The following RAPGEF6 variants were observed in gnomAD, a reference collection of about 807,000 sequenced individuals.
RAPGEF6 encodes the protein Rap guanine nucleotide exchange factor 6, also known as PDZ domain containing guanine nucleotide exchange factor (GEF) 2.
In RAPGEF6, 56 loss-of-function variants were observed where a neutral mutation model predicts 171.4. The ratio of observed to expected loss-of-function variants is 0.33; its 90% CI spans 0.26 to 0.41. The LOEUF is 0.41. Ranked by LOEUF, RAPGEF6 falls within the 10% of genes least tolerant of loss-of-function variation. The pLI, the probability that RAPGEF6 is intolerant of heterozygous loss-of-function variation, is 1.00. For synonymous variants in RAPGEF6, 692 were observed against 650.1 expected (o/e 1.06, Z -0.98); for missense variants, 1,674 against 1,921.4 (o/e 0.87, Z 2.41).
chr5:131,469,067 T>C (rs921465617), intron 17 of RAPGEF6, among the ~76,000 whole-genome samples: 46 of 152,224 alleles, frequency 3.0e-4, no homozygotes, highest in African/African-American at 1.1e-3. Context: ...TAATGGGGAC[T>C]GCTTAAAAAA....
intron 1 of RAPGEF6, among the ~76,000 whole-genome samples, chr5:131,625,619 T>G (rs943147859): frequency 6.6e-6 from 1 of 151,934 alleles, no homozygotes; most frequent in Non-Finnish European, 1.5e-5. Flanking sequence ...ATCGAGACCA[T>G]CCTGGCTAAC....
At chr5:131,456,748 C>T (rs893023412) in intron 19 of RAPGEF6, among the ~76,000 whole-genome samples, 1 of 152,166 alleles carries the variant, frequency 6.6e-6, no homozygotes, top group African/African-American at 2.4e-5. Context: ...TTTACCAACA[C>T]CACTGTAAAA....
intron 1 of RAPGEF6, among the ~76,000 whole-genome samples, chr5:131,617,372 T>C (rs1266592669): frequency 6.6e-6 from 1 of 152,246 alleles, no homozygotes; most frequent in African/African-American, 2.4e-5. Flanking sequence ...TCAGCTCTGT[T>C]AGTTACTACT....
intron 1 of RAPGEF6, among the ~76,000 whole-genome samples, chr5:131,616,238 A>G (rs1765255593): frequency 6.6e-6 from 1 of 152,234 alleles, no homozygotes; most frequent in Non-Finnish European, 1.5e-5. Context: ...CTGCCATTGT[A>G]TAACAAGACA....
At chr5:131,626,504 T>A (rs1765943458) in intron 1 of RAPGEF6, among the ~76,000 whole-genome samples, 1 of 151,916 alleles carries the variant, frequency 6.6e-6, no homozygotes, top group Non-Finnish European at 1.5e-5. Context: ...CTGCTTGGAA[T>A]GACCTCTCTT....
chr5:131,590,141 CTG>C (rs1345247061), intron 4 of RAPGEF6, among the ~76,000 whole-genome samples: 1 of 152,152 alleles, frequency 6.6e-6, no homozygotes, highest in African/African-American at 2.4e-5. Context: ...TGGCTCATGT[CTG>C]TAATCACAGC....
chr5:131,487,491 A>G (rs1755992867), intron 15 of RAPGEF6, among the ~76,000 whole-genome samples: 2 of 152,050 alleles, frequency 1.3e-5, no homozygotes. Context: ...TGCATTTACA[A>G]TCCTTTAGCT....
intron 2 of RAPGEF6, 134 bp downstream of exon 2, chr5:131,604,489 C>A: frequency 1.1e-6 from 1 of 940,520 alleles, no homozygotes; most frequent in Non-Finnish European, 1.5e-6. Flanking sequence ...TCCAGGAAAC[C>A]AGGGATCTAA....
At chr5:131,541,749 T>C (rs1184410111) in intron 6 of RAPGEF6, among the ~76,000 whole-genome samples, 1 of 152,246 alleles carries the variant, frequency 6.6e-6, no homozygotes, top group Non-Finnish European at 1.5e-5. Context: ...CATGTGTTAC[T>C]GGCAAAATAT....
chr5:131,486,978 C>A (rs1005498849), intron 15 of RAPGEF6, among the ~76,000 whole-genome samples: 1 of 152,074 alleles, frequency 6.6e-6, no homozygotes, highest in African/African-American at 2.4e-5. Flanking sequence ...GATCCCTGAT[C>A]GTCAGTTTTA....
chr5:131,607,967 T>TGAA lies in RAPGEF6; in HGVS notation c.70-3277_70-3275dup, dbSNP rs150352991. 3.5e-3 allele frequency among the ~76,000 whole-genome samples: 537 copies of TGAA among 152,246 alleles called. 4 individuals carry two copies. Among genetic ancestry groups the TGAA allele is most frequent in the African/African-American group, 0.012 (519 of 41,540 alleles). On this transcript the variant is annotated intron_variant, in intron 1 of 27. Transcript: ENST00000509018. ...ATAGGACATCCGGAAATATCTAAAGTGAAGTAAAGATCCACCTGAAAAAAT... is the reference window on the plus strand; with the variant it reads ...ATAGGACATCCGGAAATATCTAAAGTGAAGAAGTAAAGATCCACCTGAAAAAAT...
chr5:131,589,546 A>C (rs759187722), intron 4 of RAPGEF6, among the ~76,000 whole-genome samples: 3 of 152,224 alleles, frequency 2.0e-5, no homozygotes, highest in Non-Finnish European at 4.4e-5. Context: ...AGCATTCATA[A>C]GGAAGCTGAG....
chr5:131,452,804 C>A (rs1265207003), intron 21 of RAPGEF6, among the ~76,000 whole-genome samples: 1 of 152,118 alleles, frequency 6.6e-6, no homozygotes, highest in Non-Finnish European at 1.5e-5. Flanking sequence ...GAACTATCCA[C>A]ATACAAATAT....
chr5:131,454,559 T>C (rs1273848780), intron 20 of RAPGEF6, among the ~76,000 whole-genome samples: 1 of 151,394 alleles, frequency 6.6e-6, no homozygotes, highest in African/African-American at 2.4e-5. Context: ...GAAAAGAACA[T>C]TAAACTAAAA....
chr5:131,496,156 T>C (rs1203172765), intron 12 of RAPGEF6, among the ~76,000 whole-genome samples: 2 of 152,108 alleles, frequency 1.3e-5, no homozygotes, highest in South Asian at 2.1e-4. Context: ...AGCCTGGGCA[T>C]AGCAAAACCC....
At chr5:131,462,755 G>A (rs1380842742) in intron 18 of RAPGEF6, among the ~76,000 whole-genome samples, 1 of 152,186 alleles carries the variant, frequency 6.6e-6, no homozygotes, top group South Asian at 2.1e-4. Flanking sequence ...GTGCAGGGAT[G>A]TTACTAAGGA....
chr5:131,550,899 A>G (rs769319250), intron 5 of RAPGEF6, among the ~76,000 whole-genome samples: 4 of 152,188 alleles, frequency 2.6e-5, no homozygotes, highest in Non-Finnish European at 5.9e-5. Flanking sequence ...TCTACTCCAG[A>G]AAAGTATTAC....
chr5:131,429,819 G>A (rs13160370), intron 26 of RAPGEF6, among the ~76,000 whole-genome samples: 2,053 of 152,144 alleles, frequency 0.013, 24 homozygotes, highest in South Asian at 0.064. Flanking sequence ...TTTGGAGGCC[G>A]AAGTGGGTGG....
chr5:131,519,233 G>A (rs1318709503), intron 7 of RAPGEF6, among the ~76,000 whole-genome samples: 1 of 152,128 alleles, frequency 6.6e-6, no homozygotes, highest in Non-Finnish European at 1.5e-5. Context: ...GCTCCTATAG[G>A]AGCTCCTGTA....
Sources: allele counts gnomAD v4.1 joint callset (sites outside exome capture counted in the v4.1 genomes callset), GRCh38; gene constraint gnomAD v4.1.1; transcripts MANE v1.5; gene names NCBI Gene and HGNC (gene_info 2026-07-23, HGNC 2026-07-21).